Variants in PLCG2 observed in about 807,000 individuals in gnomAD.
The protein encoded by PLCG2 is 1-phosphatidylinositol 4,5-bisphosphate phosphodiesterase gamma-2.
In PLCG2, 69 loss-of-function variants were observed where a neutral mutation model predicts 175.6. The observed-to-expected ratio is 0.39, with a 90% CI of 0.32 to 0.48. PLCG2 has a LOEUF of 0.48. Ranked by LOEUF, PLCG2 falls within the 20% of genes least tolerant of loss-of-function variation. PLCG2 has a pLI of 0.91. For missense variants in PLCG2, 1,798 were observed against 1,650.9 expected, an observed-to-expected ratio of 1.09 and a Z score of -1.54; for synonymous variants, 827 against 624.0, an observed-to-expected ratio of 1.33 and a Z score of -4.85.
At chr16:81,812,585 C>A (rs1904365986) in intron 2 of PLCG2, among the ~76,000 whole-genome samples, 1 of 152,094 alleles carries the variant, frequency 6.6e-6, no homozygotes, top group African/African-American at 2.4e-5. Flanking sequence ...GGATATTAGC[C>A]ATTTGTCAGA....
chr16:81,947,801 T>A (rs1448617501), intron 31 of PLCG2, among the ~76,000 whole-genome samples: 3 of 152,238 alleles, frequency 2.0e-5, no homozygotes, highest in Non-Finnish European at 1.5e-5. Context: ...ACCATTTTAT[T>A]ACCTACTGTA....
At chr16:81,905,069 T>A (rs1437504674) in intron 14 of PLCG2, among the ~76,000 whole-genome samples, 1 of 152,168 alleles carries the variant, frequency 6.6e-6, no homozygotes, top group Non-Finnish European at 1.5e-5. Context: ...TTTATTTTTG[T>A]AGATACAGGG....
intron 25 of PLCG2, among the ~76,000 whole-genome samples, chr16:81,933,163 C>A (rs989695294): frequency 5.9e-5 from 9 of 152,344 alleles, no homozygotes; most frequent in African/African-American, 2.2e-4. Context: ...CTGCATTCCT[C>A]TCTAACTGGT....
chr16:81,910,497 C>G lies in PLCG2; in HGVS notation c.1734-23C>G, dbSNP rs758301659. ...TGGCCTGGCCTGCGTTCTCCCAGCA[C>G]TGATGGCGTCCTCTCCCCGCAGGCG... On this transcript the variant is annotated intron_variant, in intron 17 of 32. Coordinates refer to ENST00000564138, the MANE Select transcript of PLCG2 (RefSeq NM_002661.5). 4.3e-6 allele frequency: 7 copies of G among 1,611,470 alleles called. No homozygotes were observed. The African/African-American group carries it at 6.7e-5, about 15-fold the overall frequency.
At chr16:81,777,861 C>T (rs548647478), upstream of PLCG2, among the ~76,000 whole-genome samples, 10 of 151,134 alleles carry the variant, frequency 6.6e-5, no homozygotes, top group South Asian at 2.1e-3. Flanking sequence ...AGTAAAAATA[C>T]AAAAAATTAG....
In PLCG2 at chr16:81,960,754, A is replaced by C. The variant is rs752146849; in HGVS notation, c.*2756A>C. 2 of 229,108 alleles carry C rather than the reference A, an allele frequency of 8.7e-6. No individual in the cohort carries two copies. The highest frequency in any genetic ancestry group is 1.7e-5 in the Non-Finnish European group (2 of 115,512). The allele number at this position is 229,108 out of a possible 1,614,324, so 14.2% of individuals were successfully genotyped here. A position where few individuals can be genotyped will look rare whatever the true frequency, so the allele number is the denominator to read the frequency against. ...TCGTATGCTTTGTGACCTAGTTAAA[A>C]TCTAAACTTAAGTCGCCATGGCCAG... On this transcript the variant is annotated 3_prime_UTR_variant, in exon 33 of 33. Transcript: ENST00000564138.
At chr16:81,748,925 C>A (rs548124964) in intron 1 of PLCG2, among the ~76,000 whole-genome samples, 1 of 152,316 alleles carries the variant, frequency 6.6e-6, no homozygotes, top group Non-Finnish European at 1.5e-5. Flanking sequence ...TTGACTATGA[C>A]TGTACCTGGC....
At chr16:81,834,153 T>C (rs1438044093) in intron 2 of PLCG2, among the ~76,000 whole-genome samples, 1 of 152,166 alleles carries the variant, frequency 6.6e-6, no homozygotes, top group African/African-American at 2.4e-5. Flanking sequence ...GGTGACTTCA[T>C]CTTCCTGGGC....
At chr16:81,835,115 T>C (rs1167989036) in intron 2 of PLCG2, among the ~76,000 whole-genome samples, 2 of 152,164 alleles carry the variant, frequency 1.3e-5, no homozygotes, top group African/African-American at 4.8e-5. Flanking sequence ...AGCTCTGTTA[T>C]TGATTCACTG....
intron 2 of PLCG2, among the ~76,000 whole-genome samples, chr16:81,795,569 G>A (rs1053141428): frequency 3.9e-5 from 6 of 152,242 alleles, no homozygotes; most frequent in Non-Finnish European, 5.9e-5. Context: ...CTCCAAAGGT[G>A]TTGGAGGCTA....
chr16:81,957,502 G>C (rs1327730692), intron 32 of PLCG2, among the ~76,000 whole-genome samples: 1 of 152,118 alleles, frequency 6.6e-6, no homozygotes, highest in Non-Finnish European at 1.5e-5. Flanking sequence ...GTGTTTCCAA[G>C]AATGGGCTAG....
intron 18 of PLCG2, among the ~76,000 whole-genome samples, chr16:81,912,090 C>T (rs1452606152): frequency 6.6e-6 from 1 of 152,140 alleles, no homozygotes; most frequent in Non-Finnish European, 1.5e-5. Context: ...AGCCACCACG[C>T]CTGGCCCAAT....
upstream of PLCG2, among the ~76,000 whole-genome samples, chr16:81,775,667 T>C (rs78266002): frequency 0.019 from 2,935 of 152,290 alleles, 55 homozygotes; most frequent in Non-Finnish European, 0.03. Flanking sequence ...GGGAAAAGCA[T>C]TTGTATGCCC....
At chr16:81,873,556 T>G (rs1035827152) in intron 7 of PLCG2, among the ~76,000 whole-genome samples, 2 of 152,010 alleles carry the variant, frequency 1.3e-5, no homozygotes, top group Non-Finnish European at 2.9e-5. Flanking sequence ...AATAACAGTT[T>G]TTTTTTTTTT....
intron 2 of PLCG2, among the ~76,000 whole-genome samples, chr16:81,843,694 C>T (rs1185581720): frequency 6.6e-6 from 1 of 152,196 alleles, no homozygotes; most frequent in African/African-American, 2.4e-5. Flanking sequence ...TTCTTCTATC[C>T]TCCAACTACC....
At chr16:81,783,240 A>G (rs1395488752) in intron 1 of PLCG2, 5 of 424,448 alleles carry the variant, frequency 1.2e-5, no homozygotes, top group African/African-American at 4.1e-5. Context: ...AACAGTCAAC[A>G]TAGTGAAGAG....
At chr16:81,882,533 G>A (rs1908135130) in intron 8 of PLCG2, among the ~76,000 whole-genome samples, 1 of 152,044 alleles carries the variant, frequency 6.6e-6, no homozygotes, top group South Asian at 2.1e-4. Flanking sequence ...GGCGGGTGGT[G>A]TGTCGAGCCC....
rs539380046 is a variant in PLCG2 at position 81,959,036 on chromosome 16, G to C, written c.*1038G>C. On this transcript the variant is annotated 3_prime_UTR_variant, in exon 33 of 33. Transcript: ENST00000564138. ...CATGACAGTATGTGCGGCTGGCCAG[G>C]GCTTTACACCTCTGCATCTTAAGTT... is the stretch of plus-strand genomic sequence containing the variant. 2 of 223,154 alleles carry C rather than the reference G, an allele frequency of 9.0e-6. No individual in the cohort carries two copies. Among genetic ancestry groups the C allele is most frequent in the African/African-American group, 4.5e-5 (2 of 44,758 alleles). 13.8% of individuals were successfully genotyped at this position (223,154 alleles called of 1,614,324 possible).
intron 1 of PLCG2, among the ~76,000 whole-genome samples, chr16:81,746,138 C>G (rs1909699256): frequency 6.6e-6 from 1 of 152,178 alleles, no homozygotes; most frequent in South Asian, 2.1e-4. Context: ...CAAAGTCAGA[C>G]AGGACCAGCC....
Sources: allele counts gnomAD v4.1 joint callset (sites outside exome capture counted in the v4.1 genomes callset), GRCh38; gene constraint gnomAD v4.1.1; transcripts MANE v1.5; gene names NCBI Gene and HGNC (gene_info 2026-07-23, HGNC 2026-07-21).